The following ARHGAP24 variants were observed in gnomAD, a reference collection of about 807,000 sequenced individuals.
The protein encoded by ARHGAP24 is rho GTPase-activating protein 24.
In ARHGAP24, 50 loss-of-function variants were observed where a neutral mutation model predicts 76.4. That is an observed-to-expected ratio of 0.65 (90% confidence interval 0.52 to 0.83). The LOEUF (loss-of-function observed/expected upper bound fraction) is 0.83. ARHGAP24 is among the 40% of genes least tolerant of loss of function. ARHGAP24 has a pLI of 0.00. For synonymous variants in ARHGAP24, 345 were observed against 323.3 expected (o/e 1.07, Z -0.72); for missense variants, 930 against 914.2 (o/e 1.02, Z -0.22).
In ARHGAP24 at chr4:85,864,711, A is replaced by G. The variant is rs569181862; in HGVS notation, c.269-58937A>G. On this transcript the variant is annotated intron_variant, in intron 3 of 9. Transcript: ENST00000395184. ...ATGGGAAGGAAGAAAGCATGTTCAG[A>G]CCCACTTCCATGAGCTACGCCCATC... Among the ~76,000 whole-genome samples the G allele has an allele frequency of 2.0e-5, 3 of 152,076 alleles. No individual in the cohort carries two copies. The South Asian group carries it at 6.2e-4, about 32-fold the overall frequency.
At chr4:85,952,409 T>C (rs541220860) in intron 5 of ARHGAP24, among the ~76,000 whole-genome samples, 4 of 152,264 alleles carry the variant, frequency 2.6e-5, no homozygotes, top group Non-Finnish European at 5.9e-5. Flanking sequence ...CTGAAGAGCA[T>C]GTATTCATAC....
At chr4:85,570,800 C>A in intron 2 of ARHGAP24, 79 bp downstream of exon 2, 1 of 1,487,842 alleles carries the variant, frequency 6.7e-7, no homozygotes, top group Non-Finnish European at 9.3e-7. Flanking sequence ...CCGATTGGGA[C>A]TGAGACCACC....
chr4:85,617,105 ATATTTAAATATATATT>A, intron 2 of ARHGAP24, among the ~76,000 whole-genome samples: 1 of 68,462 alleles, frequency 1.5e-5, no homozygotes, highest in South Asian at 7.1e-4. Flanking sequence ...TTATAAATAT[ATATTTAAATATATATT>A]TAAATATATG....
intron 1 of ARHGAP24, among the ~76,000 whole-genome samples, chr4:85,562,295 C>T (rs1207968640): frequency 1.3e-5 from 2 of 152,052 alleles, no homozygotes; most frequent in Non-Finnish European, 2.9e-5. Flanking sequence ...TCAAGGAAAG[C>T]GATGTGATTA....
At chr4:85,523,386 T>C (rs140148956) in intron 1 of ARHGAP24, among the ~76,000 whole-genome samples, 184 of 152,304 alleles carry the variant, frequency 1.2e-3, no homozygotes, top group African/African-American at 4.3e-3. Flanking sequence ...TCAGAGCACC[T>C]CCTCATTGCC....
chr4:85,683,049 C>T (rs1723266133), intron 2 of ARHGAP24, among the ~76,000 whole-genome samples: 3 of 131,470 alleles, frequency 2.3e-5, no homozygotes, highest in South Asian at 4.6e-4. Context: ...GGGTTGCAAG[C>T]ATGAACTGAG....
intron 1 of ARHGAP24, among the ~76,000 whole-genome samples, chr4:85,525,445 TA>T (rs201627500): frequency 1.3e-5 from 2 of 151,590 alleles, no homozygotes; most frequent in Admixed American, 6.6e-5. Flanking sequence ...ACCATCATAT[TA>T]AAAAAAATGT....
chr4:85,815,093 G>C lies in ARHGAP24; in HGVS notation c.268+93121G>C, dbSNP rs1302266301. ...TCACAGCTGGAGCAGCTGGGACCAA[G>C]GGCACCAAGTTCCTGGGCTGCACAC... On this transcript the variant is annotated intron_variant, in intron 3 of 9. Transcript: ENST00000395184. 8.5e-5 allele frequency among the ~76,000 whole-genome samples: 13 copies of C among 152,228 alleles called. No individual in the cohort carries two copies. The East Asian group carries it at 2.5e-3, about 29-fold the overall frequency.
intron 3 of ARHGAP24, among the ~76,000 whole-genome samples, chr4:85,785,678 A>AT (rs1209913962): frequency 6.6e-6 from 1 of 152,110 alleles, no homozygotes; most frequent in Admixed American, 6.5e-5. Flanking sequence ...CCTATCCCAC[A>AT]TTTTTTGACA....
intron 3 of ARHGAP24, among the ~76,000 whole-genome samples, chr4:85,849,029 A>ATTTT (rs1731060971): frequency 6.7e-6 from 1 of 149,750 alleles, no homozygotes; most frequent in Non-Finnish European, 1.5e-5. Flanking sequence ...TCTGTAAATT[A>ATTTT]CCTTGGGCAG....
At chr4:85,591,037 T>G (rs1486720318) in intron 2 of ARHGAP24, among the ~76,000 whole-genome samples, 4 of 127,640 alleles carry the variant, frequency 3.1e-5, no homozygotes, top group South Asian at 2.8e-4. Flanking sequence ...CTGGGTTTTT[T>G]TTTTTTTTTT....
chr4:85,633,157 A>G (rs1721211747), intron 2 of ARHGAP24, among the ~76,000 whole-genome samples: 1 of 151,852 alleles, frequency 6.6e-6, no homozygotes, highest in Admixed American at 6.6e-5. Flanking sequence ...GTTCATCTGA[A>G]TGGCTATGTT....
At chr4:85,740,837 T>G (rs1725795408) in intron 3 of ARHGAP24, among the ~76,000 whole-genome samples, 1 of 152,190 alleles carries the variant, frequency 6.6e-6, no homozygotes. Context: ...ACTGTTGTCT[T>G]ATAGATGCAG....
chr4:85,481,438 A>G (rs1722812353), intron 1 of ARHGAP24, among the ~76,000 whole-genome samples: 1 of 152,282 alleles, frequency 6.6e-6, no homozygotes, highest in Non-Finnish European at 1.5e-5. Flanking sequence ...TATGATTCTC[A>G]TGAACTGGCC....
chr4:85,930,843 A>G, intron 4 of ARHGAP24: 3 of 1,596,714 alleles, frequency 1.9e-6, no homozygotes, highest in Non-Finnish European at 2.6e-6. Context: ...ATAACAAGTA[A>G]ACAAGCATGA....
chr4:85,815,116 C>T lies in ARHGAP24; in HGVS notation c.268+93144C>T, dbSNP rs569488808. On this transcript the variant is annotated intron_variant, in intron 3 of 9. Coordinates refer to ENST00000395184, the MANE Select transcript of ARHGAP24 (RefSeq NM_001025616.3). ...AAGGGCACCAAGTTCCTGGGCTGCA[C>T]ACAGCCCAGGGACCCTGGACCCAGC... Among the ~76,000 whole-genome samples, 260 of 152,294 alleles carry T rather than the reference C, an allele frequency of 1.7e-3. 1 individual carries two copies. The highest frequency in any genetic ancestry group is 6.0e-3 in the African/African-American group (251 of 41,566).
intron 3 of ARHGAP24, among the ~76,000 whole-genome samples, chr4:85,876,765 G>C (rs1223656236): frequency 2.6e-5 from 4 of 152,132 alleles, no homozygotes; most frequent in Non-Finnish European, 5.9e-5. Flanking sequence ...TGGAGCACAC[G>C]TAACATCAGT....
rs541024238 is a variant in ARHGAP24, at chr4:85,778,972, T to C, written c.268+57000T>C. On this transcript the variant is annotated intron_variant, in intron 3 of 9. Transcript: ENST00000395184. ...CAGACCAGTGACTTATAAGGTACTG[T>C]TTTTACTCATTTAAATCTTCAGGGT... 3,910 of 985,416 alleles carry C rather than the reference T, an allele frequency of 4.0e-3. 22 individuals carry two copies. Among genetic ancestry groups the C allele is most frequent in the South Asian group, 0.022 (460 of 21,282 alleles). 61.0% of individuals were successfully genotyped at this position (985,416 alleles called of 1,614,324 possible).
At chr4:85,861,333 T>C (rs564895624) in intron 3 of ARHGAP24, among the ~76,000 whole-genome samples, 1 of 152,270 alleles carries the variant, frequency 6.6e-6, no homozygotes, top group South Asian at 2.1e-4. Context: ...TGAAATGCTA[T>C]GCTGTGTGAA....
Sources: gnomAD v4.1 joint callset for allele counts (sites outside exome capture counted in the v4.1 genomes callset) on GRCh38, gnomAD v4.1.1 for gene constraint, MANE v1.5 for transcripts, NCBI Gene and HGNC (gene_info 2026-07-23, HGNC 2026-07-21) for gene names.